SOBP: variants seen among roughly 807,000 people sequenced by gnomAD.
SOBP encodes the protein sine oculis-binding protein homolog.
Under a neutral mutation model 53.6 loss-of-function variants are expected in SOBP, and 4 were observed. That is an observed-to-expected ratio of 0.07 (90% CI 0.04 to 0.17). The LOEUF (loss-of-function observed/expected upper bound fraction) is 0.17. Among genes scored for constraint, SOBP ranks in the 10% least tolerant of loss-of-function variants. The pLI is 1.00. For missense variants in SOBP, 1,088 were observed against 1,204.7 expected (o/e 0.90, Z 1.43); for synonymous variants, 584 against 522.6 (o/e 1.12, Z -1.60).
At chr6:107,656,295 G>GAA (rs1431178333) in intron 6 of SOBP, among the ~76,000 whole-genome samples, 2 of 13,448 alleles carry the variant, frequency 1.5e-4, no homozygotes, top group East Asian at 0.011. Flanking sequence ...AGAAAAGAAA[G>GAA]AAAGAAAGAA....
intron 3 of SOBP, among the ~76,000 whole-genome samples, chr6:107,531,655 A>G (rs1165916302): frequency 6.6e-6 from 1 of 152,118 alleles, no homozygotes; most frequent in Non-Finnish European, 1.5e-5. Context: ...TATTCCTGAA[A>G]TATCAAAAAG....
At chr6:107,577,136 C>T (rs998942251) in intron 4 of SOBP, among the ~76,000 whole-genome samples, 20 of 152,186 alleles carry the variant, frequency 1.3e-4, no homozygotes, top group Admixed American at 5.9e-4. Flanking sequence ...GTCTGTCTCC[C>T]CTTTGCCAAG....
chr6:107,594,309 T>G (rs905045049), intron 5 of SOBP, among the ~76,000 whole-genome samples: 3 of 152,198 alleles, frequency 2.0e-5, no homozygotes, highest in Admixed American at 1.3e-4. Flanking sequence ...ATTATGATGA[T>G]TTATTCCAAG....
In SOBP at chr6:107,520,171, A is replaced by G. The variant is rs372664494; in HGVS notation, c.422-13288A>G. On this transcript the variant is annotated intron_variant, in intron 3 of 6. Coordinates refer to ENST00000317357, the MANE Select transcript of SOBP (RefSeq NM_018013.4). ...ATCCTCCTATGGTAGGGGTAAGGAA[A>G]AACAGTGGTGGCTACACAGAAGGAG... 1.7e-3 allele frequency among the ~76,000 whole-genome samples: 258 copies of G among 152,334 alleles called. 1 individual carries two copies. The highest frequency in any genetic ancestry group is 7.3e-3 in the South Asian group (35 of 4,820).
intron 6 of SOBP, among the ~76,000 whole-genome samples, chr6:107,646,198 G>A (rs761712084): frequency 1.3e-5 from 2 of 152,254 alleles, no homozygotes; most frequent in South Asian, 2.1e-4. Flanking sequence ...GCTGGAGTGC[G>A]AGGGACATGC....
intron 4 of SOBP, among the ~76,000 whole-genome samples, chr6:107,567,445 A>G (rs1784951071): frequency 6.6e-6 from 1 of 151,954 alleles, no homozygotes; most frequent in Non-Finnish European, 1.5e-5. Context: ...CCACTTATTT[A>G]CTCTATTTTC....
chr6:107,600,231 G>C (rs1786127589), intron 5 of SOBP, among the ~76,000 whole-genome samples: 1 of 152,184 alleles, frequency 6.6e-6, no homozygotes, highest in Non-Finnish European at 1.5e-5. Context: ...ACAGGAATTA[G>C]GGTCTATGTA....
chr6:107,610,709 T>C (rs530513894), intron 5 of SOBP, among the ~76,000 whole-genome samples: 1 of 152,250 alleles, frequency 6.6e-6, no homozygotes, highest in African/African-American at 2.4e-5. Context: ...CCTAAAGCAA[T>C]AGTACCATTT....
rs1379299851 is a variant in SOBP at position 107,660,970 on chromosome 6, G to A, written c.*2767G>A. ...GAGTTATATTTATGGCGGTGACTCC[G>A]TCTGAACTCTGCCGAGGCAAGCCCA... is the stretch of plus-strand genomic sequence containing the variant. On this transcript the variant is annotated 3_prime_UTR_variant, in exon 7 of 7. Transcript: ENST00000317357. Among the ~76,000 whole-genome samples, 1 of 152,182 alleles carries A rather than the reference G, an allele frequency of 6.6e-6. No individual in the cohort carries two copies. The highest frequency in any genetic ancestry group is 1.5e-5 in the Non-Finnish European group (1 of 68,026).
intron 4 of SOBP, among the ~76,000 whole-genome samples, chr6:107,547,072 A>G (rs1057283580): frequency 2.0e-5 from 3 of 152,380 alleles, no homozygotes; most frequent in African/African-American, 7.2e-5. Context: ...AGGAGGTAGC[A>G]TTCACTACTT....
chr6:107,535,682 T>C (rs7762125), intron 4 of SOBP, among the ~76,000 whole-genome samples: 2,813 of 151,188 alleles, frequency 0.019, 45 homozygotes, highest in East Asian at 0.054. Context: ...CTATCATTTG[T>C]TGGCTTCTTT....
chr6:107,491,723 C>T (rs555300579), intron 1 of SOBP, among the ~76,000 whole-genome samples: 1 of 152,258 alleles, frequency 6.6e-6, no homozygotes, highest in Admixed American at 6.5e-5. Context: ...TTGCATTTTG[C>T]GGTCTTCTTG....
chr6:107,512,849 A>G (rs73516907), intron 3 of SOBP, among the ~76,000 whole-genome samples: 3,456 of 152,336 alleles, frequency 0.023, 153 homozygotes, highest in African/African-American at 0.079. Flanking sequence ...GTGTGTACCT[A>G]GAAAACCACA....
At chr6:107,597,809 G>A (rs1014608990) in intron 5 of SOBP, among the ~76,000 whole-genome samples, 27 of 152,084 alleles carry the variant, frequency 1.8e-4, no homozygotes, top group African/African-American at 4.8e-4. Flanking sequence ...ACCTTTTCTC[G>A]AGGGATATAT....
chr6:107,570,566 C>A lies in SOBP; in HGVS notation c.574-16514C>A, dbSNP rs1583222998. 7.9e-5 allele frequency among the ~76,000 whole-genome samples: 12 copies of A among 152,324 alleles called. No individual in the cohort carries two copies. The South Asian group carries it at 2.3e-3, about 29-fold the overall frequency. On this transcript the variant is annotated intron_variant, in intron 4 of 6. Coordinates refer to ENST00000317357, the MANE Select transcript of SOBP (RefSeq NM_018013.4). ...TATTGGTGTTACATGGTGGTTACAG[C>A]CACGCTCTCATTCTACCAAGTGTGG...
intron 4 of SOBP, among the ~76,000 whole-genome samples, chr6:107,576,065 T>G (rs1785215569): frequency 6.6e-6 from 1 of 152,162 alleles, no homozygotes; most frequent in Admixed American, 6.5e-5. Flanking sequence ...TTGGAGGCAG[T>G]GTAATTCAGA....
chr6:107,508,387 A>G lies in SOBP; in HGVS notation c.421+1960A>G, dbSNP rs554905843. ...TGAGGTCAGGAGTTCAAGACTAGCCAGGCCAACATGGAGAAACCCCGTCTC... is the reference window on the plus strand; with the variant it reads ...TGAGGTCAGGAGTTCAAGACTAGCCGGGCCAACATGGAGAAACCCCGTCTC... On this transcript the variant is annotated intron_variant, in intron 3 of 6. Transcript: ENST00000317357. 6.6e-5 allele frequency among the ~76,000 whole-genome samples: 10 copies of G among 152,116 alleles called. 1 individual carries two copies. The South Asian group carries it at 1.7e-3, about 25-fold the overall frequency.
At chr6:107,556,331 C>T (rs1005055326) in intron 4 of SOBP, among the ~76,000 whole-genome samples, 27 of 152,188 alleles carry the variant, frequency 1.8e-4, no homozygotes, top group African/African-American at 6.3e-4. Context: ...TGCTGAATGA[C>T]CTAATAATGG....
intron 5 of SOBP, among the ~76,000 whole-genome samples, chr6:107,602,066 T>C (rs1042928478): frequency 5.9e-5 from 9 of 152,256 alleles, no homozygotes; most frequent in Admixed American, 2.6e-4. Flanking sequence ...TGTGCTCAGA[T>C]CTGCAAATTA....
Sources: allele counts gnomAD v4.1 joint callset (sites outside exome capture counted in the v4.1 genomes callset), GRCh38; gene constraint gnomAD v4.1.1; transcripts MANE v1.5; gene names NCBI Gene and HGNC (gene_info 2026-07-23, HGNC 2026-07-21).